WDR7: variants seen among roughly 807,000 people sequenced by gnomAD.
The protein encoded by WDR7 is WD repeat-containing protein 7.
Under a neutral mutation model 169.4 loss-of-function variants are expected in WDR7, and 46 were observed. That is an observed-to-expected ratio of 0.27 (90% CI 0.21 to 0.35). The LOEUF (loss-of-function observed/expected upper bound fraction) is 0.35, where lower values mean the gene tolerates loss of function less well. WDR7 is among the 10% of genes least tolerant of loss of function. The pLI, the probability that WDR7 is intolerant of heterozygous loss-of-function variation, is 1.00. For synonymous variants in WDR7, 612 were observed against 666.8 expected (o/e 0.92, Z 1.27); for missense variants, 1,534 against 1,859.3 (o/e 0.83, Z 3.22).
intron 20 of WDR7, among the ~76,000 whole-genome samples, chr18:56,819,739 CTG>C (rs780089684): frequency 2.6e-5 from 4 of 151,990 alleles, no homozygotes; most frequent in Admixed American, 1.3e-4. Flanking sequence ...TTATAATACT[CTG>C]TATATTTAGA....
At chr18:56,911,054 G>A (rs1232914292) in intron 21 of WDR7, among the ~76,000 whole-genome samples, 1 of 152,180 alleles carries the variant, frequency 6.6e-6, no homozygotes, top group Non-Finnish European at 1.5e-5. Flanking sequence ...GGCCTGTCTT[G>A]TAAATACACC....
intron 26 of WDR7, among the ~76,000 whole-genome samples, chr18:57,013,670 G>A (rs1231375030): frequency 6.6e-6 from 1 of 152,170 alleles, no homozygotes; most frequent in East Asian, 1.9e-4. Flanking sequence ...TGCAAAATGA[G>A]TACTAATGTA....
rs1257964211 is a variant in WDR7 at position 56,693,561 on chromosome 18, G to GTTTTTTTTTTT, written c.967-1057_967-1047dup. Among the ~76,000 whole-genome samples, 5 of 98,756 alleles carry GTTTTTTTTTTT rather than the reference G, an allele frequency of 5.1e-5. 1 individual carries two copies. Among genetic ancestry groups the GTTTTTTTTTTT allele is most frequent in the Non-Finnish European group, 5.9e-5 (3 of 51,232 alleles). The allele number at this position is 98,756 out of a possible 152,430, so 64.8% of individuals were successfully genotyped here. A position where few individuals can be genotyped will look rare whatever the true frequency, so the allele number is the denominator to read the frequency against. On this transcript the variant is annotated intron_variant, in intron 9 of 27. Coordinates refer to ENST00000254442, the MANE Select transcript of WDR7 (RefSeq NM_015285.3). ...CAAGCTTGATAGTTCAATTTTGTTG[G>GTTTTTTTTTTT]TTTTTTTTTTTGTTTTTTTTTTTTT...
chr18:56,880,411 G>C (rs76537033), intron 21 of WDR7, among the ~76,000 whole-genome samples: 2,275 of 152,170 alleles, frequency 0.015, 58 homozygotes, highest in African/African-American at 0.05. Flanking sequence ...TTGTATTTTT[G>C]CATTGTTCGT....
At chr18:56,740,918 G>A (rs1364136011) in intron 14 of WDR7, among the ~76,000 whole-genome samples, 1 of 151,886 alleles carries the variant, frequency 6.6e-6, no homozygotes, top group African/African-American at 2.4e-5. Context: ...TTTCTCTTTA[G>A]CCCCACAAGA....
chr18:56,714,666 G>T (rs899023830), intron 12 of WDR7, among the ~76,000 whole-genome samples: 2 of 151,786 alleles, frequency 1.3e-5, no homozygotes, highest in Non-Finnish European at 2.9e-5. Context: ...CATCCCCCTC[G>T]ACCTCCCAAA....
At chr18:56,834,580 A>G (rs1308307575) in intron 20 of WDR7, among the ~76,000 whole-genome samples, 1 of 151,854 alleles carries the variant, frequency 6.6e-6, no homozygotes, top group East Asian at 1.9e-4. Flanking sequence ...TGTATGTACT[A>G]TGTTTTATCA....
At chr18:56,735,865 A>G (rs1339574171) in intron 14 of WDR7, among the ~76,000 whole-genome samples, 1 of 152,208 alleles carries the variant, frequency 6.6e-6, no homozygotes, top group Non-Finnish European at 1.5e-5. Context: ...GATTTGGCCC[A>G]TGGGTCATAG....
chr18:56,769,669 G>A (rs1297318228), intron 16 of WDR7, among the ~76,000 whole-genome samples: 2 of 152,146 alleles, frequency 1.3e-5, no homozygotes, highest in Non-Finnish European at 2.9e-5. Flanking sequence ...TAAAGTTTAA[G>A]ATTATGTTAT....
Position 57,020,829 on chromosome 18 carries a change from A to G in WDR7, c.4249A>G (p.Ser1417Gly), listed in dbSNP as rs745391279. ...TCTTGCCACCTACTCAAACACTGAC[A>G]GCCACATTTCTTTTTGGCAGGTAAG... ...RYLATYSNTDSHISFWQMNTS... is the reference protein window; with the variant it reads ...RYLATYSNTDGHISFWQMNTS... Residue 1417 changes from serine to glycine, a missense_variant, in exon 27 of 28, where the codon AGC becomes GGC. Physicochemically the swap from Ser to Gly is moderately conservative, Grantham distance 56. Coordinates refer to ENST00000254442, the MANE Select transcript of WDR7 (RefSeq NM_015285.3). 1 of 1,614,162 alleles carries G rather than the reference A, an allele frequency of 6.2e-7. No homozygotes were observed. The highest frequency in any genetic ancestry group is 8.5e-7 in the Non-Finnish European group (1 of 1,180,008).
chr18:56,881,498 G>C (rs372414460), intron 21 of WDR7, among the ~76,000 whole-genome samples: 2 of 152,140 alleles, frequency 1.3e-5, no homozygotes, highest in African/African-American at 4.8e-5. Flanking sequence ...CATCTAGTCT[G>C]TTGTTCCAGA....
rs947866731 is a variant in WDR7 at position 56,937,525 on chromosome 18, T to A, written c.3832-1008T>A. The stretch of plus-strand genomic sequence containing the variant: ...CCCCGTTTCTATGCCTACTACCTTA[T>A]GGCTCTTCCCGGGCTAGTCCAGGGC... On this transcript the variant is annotated intron_variant, in intron 23 of 27. Transcript: ENST00000254442. 3.9e-5 allele frequency among the ~76,000 whole-genome samples: 6 copies of A among 152,352 alleles called. No individual in the cohort carries two copies. The South Asian group carries it at 1.0e-3, about 26-fold the overall frequency.
chr18:56,966,594 C>G (rs1188769680), intron 26 of WDR7, among the ~76,000 whole-genome samples: 1 of 152,066 alleles, frequency 6.6e-6, no homozygotes, highest in Non-Finnish European at 1.5e-5. Context: ...GGCTTCTAGT[C>G]TTCTAGTACT....
chr18:56,814,925 G>A (rs1483109798), intron 19 of WDR7, among the ~76,000 whole-genome samples: 1 of 152,042 alleles, frequency 6.6e-6, no homozygotes, highest in African/African-American at 2.4e-5. Context: ...GTACCAAAAT[G>A]GTGCGTTTTA....
At chr18:56,766,281 T>C (rs1016628890) in intron 16 of WDR7, among the ~76,000 whole-genome samples, 1 of 152,150 alleles carries the variant, frequency 6.6e-6, no homozygotes, top group African/African-American at 2.4e-5. Context: ...TTGGGGTTCA[T>C]TGAGTTTATT....
chr18:56,935,310 A>C (rs1440640753), intron 22 of WDR7, among the ~76,000 whole-genome samples: 2 of 152,224 alleles, frequency 1.3e-5, no homozygotes, highest in East Asian at 3.8e-4. Context: ...AATAATATAC[A>C]AACAAAAAAT....
Position 57,027,432 on chromosome 18 carries a change from T to G in WDR7, c.*225T>G. 1 of 554,606 alleles carries G rather than the reference T, an allele frequency of 1.8e-6. No homozygotes were observed. 34.4% of individuals were successfully genotyped at this position (554,606 alleles called of 1,614,324 possible). A position where few individuals can be genotyped will look rare whatever the true frequency, so the allele number is the denominator to read the frequency against. On this transcript the variant is annotated 3_prime_UTR_variant, in exon 28 of 28. Coordinates refer to ENST00000254442, the MANE Select transcript of WDR7 (RefSeq NM_015285.3). ...ACACATGCTCTGCAGGATGTGGCCA[T>G]CCTGTCACCAGGTAGTTTTTCCCTG... is the stretch of plus-strand genomic sequence containing the variant.
intron 19 of WDR7, among the ~76,000 whole-genome samples, chr18:56,789,667 G>T (rs2145109297): frequency 6.6e-6 from 1 of 152,314 alleles, no homozygotes; most frequent in South Asian, 2.1e-4. Context: ...GGGCTTGAAA[G>T]GCTTTGAAAT....
rs542329251 is a variant in WDR7, at chr18:56,741,096, A to G, written c.1989+9499A>G. Among the ~76,000 whole-genome samples, 29 of 152,254 alleles carry G rather than the reference A, an allele frequency of 1.9e-4. No individual in the cohort carries two copies. In the South Asian group the frequency reaches 3.3e-3, roughly 17 times the overall value. ...TATTTTCTACTACCTAGTGGTGCAA[A>G]CTGTGGCCTACAGGTCAATAGGGCC... On this transcript the variant is annotated intron_variant, in intron 14 of 27. Transcript: ENST00000254442.
Sources: gnomAD v4.1 joint callset for allele counts (sites outside exome capture counted in the v4.1 genomes callset) on GRCh38, gnomAD v4.1.1 for gene constraint, MANE v1.5 for transcripts, NCBI Gene and HGNC (gene_info 2026-07-23, HGNC 2026-07-21) for gene names.